The following CCDC85A variants were observed in gnomAD, a reference collection of about 807,000 sequenced individuals.
The protein encoded by CCDC85A is coiled-coil domain containing 85A.
Under a neutral mutation model 50.2 loss-of-function variants are expected in CCDC85A, and 38 were observed. That is an observed-to-expected ratio of 0.76 (90% CI 0.58 to 0.99). The LOEUF is 0.99. CCDC85A is among the 50% of genes least tolerant of loss of function. The probability of loss-of-function intolerance (pLI) is 0.00; values close to 1 mark genes in which losing one functional copy is unlikely to be tolerated. For missense variants in CCDC85A, 820 were observed against 742.0 expected (o/e 1.11, Z -1.22); for synonymous variants, 366 against 301.4 (o/e 1.21, Z -2.22).
At chr2:56,289,667 A>C (rs566366933) in intron 2 of CCDC85A, among the ~76,000 whole-genome samples, 1 of 152,316 alleles carries the variant, frequency 6.6e-6, no homozygotes, top group East Asian at 1.9e-4. Flanking sequence ...CTCAGTGGTC[A>C]TCCCTACCAT....
intron 2 of CCDC85A, among the ~76,000 whole-genome samples, chr2:56,305,606 A>G (rs1672408039): frequency 6.6e-6 from 1 of 152,252 alleles, no homozygotes; most frequent in South Asian, 2.1e-4. Context: ...TATAATTTGT[A>G]TATTTGCCTC....
At chr2:56,195,976 G>A (rs930222812) in intron 2 of CCDC85A, among the ~76,000 whole-genome samples, 7 of 152,134 alleles carry the variant, frequency 4.6e-5, no homozygotes, top group Admixed American at 3.9e-4. Flanking sequence ...ACACTGAGAG[G>A]ACATCAGTGA....
chr2:56,283,358 G>A (rs549865864), intron 2 of CCDC85A, among the ~76,000 whole-genome samples: 1 of 152,122 alleles, frequency 6.6e-6, no homozygotes, highest in East Asian at 1.9e-4. Flanking sequence ...AAATTTTTTG[G>A]TGACTGTGGT....
intron 2 of CCDC85A, among the ~76,000 whole-genome samples, chr2:56,237,268 G>C (rs1265482216): frequency 6.6e-6 from 1 of 152,048 alleles, no homozygotes; most frequent in African/African-American, 2.4e-5. Context: ...AGAGAGCAGA[G>C]GTAATCTACT....
intron 3 of CCDC85A, among the ~76,000 whole-genome samples, chr2:56,355,382 C>A (rs1311140163): frequency 6.6e-6 from 1 of 152,140 alleles, no homozygotes; most frequent in Non-Finnish European, 1.5e-5. Context: ...GCACTGTATT[C>A]TTCTTAATTC....
intron 2 of CCDC85A, among the ~76,000 whole-genome samples, chr2:56,221,039 T>C (rs1486190076): frequency 6.6e-6 from 1 of 152,014 alleles, no homozygotes; most frequent in Non-Finnish European, 1.5e-5. Flanking sequence ...ATTCCAATTT[T>C]GTAAAAAAGT....
In CCDC85A at chr2:56,372,420, G is replaced by C. The variant is rs921834802; in HGVS notation, c.1394G>C (p.Arg465Pro). ...AAAGGCTGGGGGTCCAGAGCCCGGC[G>C]GGTCTTGCAGTGGTGGCAAGGGTGC... is the stretch of plus-strand genomic sequence containing the variant. ...MEKGWGSRAR[R>P]VLQWWQGCRG... Residue 465 changes from arginine (R) to proline (P), a missense_variant, in exon 4 of 6, where the codon CGG (arginine) becomes CCG (proline). Coordinates refer to ENST00000407595, the MANE Select transcript of CCDC85A (RefSeq NM_001080433.2). 1 of 1,608,158 alleles carries C rather than the reference G, an allele frequency of 6.2e-7. No homozygotes were observed. Among genetic ancestry groups the C allele is most frequent in the Admixed American group, 1.7e-5 (1 of 59,350 alleles).
intron 3 of CCDC85A, among the ~76,000 whole-genome samples, chr2:56,355,905 C>G (rs575128284): frequency 6.6e-6 from 1 of 152,276 alleles, no homozygotes; most frequent in African/African-American, 2.4e-5. Context: ...CCAATAAACC[C>G]AGGACCAGAT....
At chr2:56,285,556 T>A (rs895908038) in intron 2 of CCDC85A, among the ~76,000 whole-genome samples, 1 of 146,452 alleles carries the variant, frequency 6.8e-6, no homozygotes, top group Non-Finnish European at 1.5e-5. Context: ...TAATATAACA[T>A]AATATATAAT....
chr2:56,363,119 A>G (rs1675620482), intron 3 of CCDC85A, among the ~76,000 whole-genome samples: 1 of 152,150 alleles, frequency 6.6e-6, no homozygotes, highest in Non-Finnish European at 1.5e-5. Flanking sequence ...TTTTTTTATA[A>G]GAAGGTAGGG....
At chr2:56,226,260 C>T (rs999935749) in intron 2 of CCDC85A, among the ~76,000 whole-genome samples, 1 of 152,284 alleles carries the variant, frequency 6.6e-6, no homozygotes, top group East Asian at 1.9e-4. Flanking sequence ...ATATAATAAA[C>T]CTTGGAGCAT....
At chr2:56,214,990 T>G (rs1397114165) in intron 2 of CCDC85A, among the ~76,000 whole-genome samples, 3 of 151,990 alleles carry the variant, frequency 2.0e-5, no homozygotes, top group Non-Finnish European at 4.4e-5. Flanking sequence ...GTATTGAGTC[T>G]TCCAATCCAT....
rs192338807 is a variant in CCDC85A, at chr2:56,321,971, C to T, written c.1241-20908C>T. On this transcript the variant is annotated intron_variant, in intron 2 of 5. Transcript: ENST00000407595. ...TATAGACCAATGGAACAGAATAGAGCCCTCAGAAATAATACCACACATCTA... is the reference window on the plus strand; with the variant it reads ...TATAGACCAATGGAACAGAATAGAGTCCTCAGAAATAATACCACACATCTA... 3.7e-3 allele frequency among the ~76,000 whole-genome samples: 558 copies of T among 152,148 alleles called. 2 individuals carry two copies. Among genetic ancestry groups the T allele is most frequent in the African/African-American group, 0.013 (536 of 41,534 alleles).
At chr2:56,328,841 T>G (rs970590950) in intron 2 of CCDC85A, among the ~76,000 whole-genome samples, 2 of 152,152 alleles carry the variant, frequency 1.3e-5, no homozygotes, top group African/African-American at 4.8e-5. Context: ...CACAGTCATC[T>G]CTCAGTCCAG....
intron 1 of CCDC85A, among the ~76,000 whole-genome samples, chr2:56,187,640 C>G (rs370231198): frequency 6.6e-6 from 1 of 152,054 alleles, no homozygotes; most frequent in African/African-American, 2.4e-5. Context: ...TGAAGAAACC[C>G]CAGTGAAGTT....
chr2:56,220,248 A>T (rs116410936), intron 2 of CCDC85A, among the ~76,000 whole-genome samples: 33,161 of 151,708 alleles, frequency 0.22, 4,067 homozygotes, highest in Admixed American at 0.3. Flanking sequence ...TTTCTACTTA[A>T]TCTTAAACTC....
At chr2:56,358,701 G>A (rs144659495) in intron 3 of CCDC85A, among the ~76,000 whole-genome samples, 91 of 152,222 alleles carry the variant, frequency 6.0e-4, no homozygotes, top group African/African-American at 1.8e-3. Context: ...TTTAACTCTG[G>A]CAGTAGTTTG....
In CCDC85A at chr2:56,192,539, T is replaced by G. The variant is rs1174647819; in HGVS notation, c.339T>G (p.Asp113Glu). Reference sequence around the variant, plus strand: ...TGAGGGACCTCTGCTGTTTCCTGGATGATGACCGGCAGAAAGGCAAGAGGG... The same window carrying G: ...TGAGGGACCTCTGCTGTTTCCTGGAGGATGACCGGCAGAAAGGCAAGAGGG... ...QELRDLCCFL[D>E]DDRQKGKRVS... The change falls in exon 2 of 6, where the codon GAT (aspartate) becomes GAG (glutamate). Residue 113 changes from aspartate to glutamate, a missense_variant. By Grantham distance (45) the Asp-to-Glu change is conservative. Coordinates refer to ENST00000407595, the MANE Select transcript of CCDC85A (RefSeq NM_001080433.2). The surrounding 1 kb of genome is among the most constrained non-coding windows in gnomAD (Gnocchi z 4.7). 1 of 1,613,530 alleles carries G rather than the reference T, an allele frequency of 6.2e-7. No homozygotes were observed. Among genetic ancestry groups the G allele is most frequent in the African/African-American group, 1.3e-5 (1 of 74,806 alleles).
intron 2 of CCDC85A, among the ~76,000 whole-genome samples, chr2:56,280,349 C>T (rs570866503): frequency 3.9e-5 from 6 of 152,126 alleles, no homozygotes; most frequent in African/African-American, 9.7e-5. Flanking sequence ...TATTTAAAGA[C>T]GTCTCAAGTT....
Sources: allele counts gnomAD v4.1 joint callset (sites outside exome capture counted in the v4.1 genomes callset), GRCh38; gene constraint gnomAD v4.1.1; non-coding constraint Gnocchi (gnomAD v3.1); transcripts MANE v1.5; gene names NCBI Gene and HGNC (gene_info 2026-07-23, HGNC 2026-07-21).